DOCK10: variants seen among roughly 807,000 people sequenced by gnomAD.
The protein encoded by DOCK10 is dedicator of cytokinesis 10.
In DOCK10, 145 loss-of-function variants were observed where a neutral mutation model predicts 280.1. That is an observed-to-expected ratio of 0.52 (90% confidence interval 0.45 to 0.59). DOCK10 has a LOEUF of 0.59. Among genes scored for constraint, DOCK10 ranks in the 20% least tolerant of loss-of-function variants. The pLI, the probability that DOCK10 is intolerant of heterozygous loss-of-function variation, is 0.00. For synonymous variants in DOCK10, 915 were observed against 942.2 expected (o/e 0.97, Z 0.53); for missense variants, 2,368 against 2,651.7 (o/e 0.89, Z 2.35).
rs569863847 is a variant in DOCK10 at position 224,852,909 on chromosome 2, T to C, written c.2076+26A>G. 6 of 1,527,388 alleles carry C rather than the reference T, an allele frequency of 3.9e-6. No individual in the cohort carries two copies. The South Asian group carries it at 7.7e-5, about 20-fold the overall frequency. 94.6% of individuals were successfully genotyped at this position (1,527,388 alleles called of 1,614,324 possible). ...GTCTAAATACGGTGAAAAGAAAAGA[T>C]GATATCTCTGGAACTTATATCATAC... On this transcript the variant is annotated intron_variant, in intron 17 of 55. Coordinates refer to ENST00000258390, the MANE Select transcript of DOCK10 (RefSeq NM_014689.3).
At chr2:224,832,703 A>T (rs2125405868) in intron 26 of DOCK10, among the ~76,000 whole-genome samples, 1 of 152,250 alleles carries the variant, frequency 6.6e-6, no homozygotes, top group Non-Finnish European at 1.5e-5. Context: ...TCTTTCCCTA[A>T]TCTTGTCCAA....
chr2:224,840,246 A>G, intron 23 of DOCK10, 174 bp from the exon 24 acceptor site: 1 of 506,848 alleles, frequency 2.0e-6, no homozygotes, highest in Admixed American at 3.3e-5. Flanking sequence ...GCAAAGTGAA[A>G]ACAGACAAAT....
intron 3 of DOCK10, among the ~76,000 whole-genome samples, chr2:224,900,090 G>T (rs923178000): frequency 5.3e-5 from 8 of 152,088 alleles, no homozygotes; most frequent in African/African-American, 1.9e-4. Flanking sequence ...CAGATGCAAT[G>T]ACTTACTCAC....
intron 1 of DOCK10, among the ~76,000 whole-genome samples, chr2:224,967,202 C>T (rs893639284): frequency 6.6e-6 from 1 of 151,932 alleles, no homozygotes; most frequent in Non-Finnish European, 1.5e-5. Flanking sequence ...GCCTCAGCCT[C>T]CCGAGTAGTT....
Position 224,849,481 on chromosome 2 carries a change from G to A in DOCK10, c.2235+26C>T, listed in dbSNP as rs777362162. Reference sequence around the variant, plus strand: ...TTACCCACCTTTCTTAGGAACCGCTGGGGGCAGTGGAGGGCTAGCTCTTAC... The same window carrying A: ...TTACCCACCTTTCTTAGGAACCGCTAGGGGCAGTGGAGGGCTAGCTCTTAC... On this transcript the variant is annotated intron_variant, in intron 19 of 55. Transcript: ENST00000258390. 13 of 1,541,436 alleles carry A rather than the reference G, an allele frequency of 8.4e-6. 1 individual carries two copies. In the Admixed American group the frequency reaches 2.3e-4, roughly 27 times the overall value.
intron 2 of DOCK10, among the ~76,000 whole-genome samples, chr2:224,927,633 G>A (rs887095257): frequency 3.3e-5 from 5 of 152,096 alleles, no homozygotes; most frequent in African/African-American, 9.7e-5. Flanking sequence ...TCTGATTCTC[G>A]GTATTTCTTA....
At position 224,912,252 on chromosome 2, in the gene DOCK10, C is replaced by T. The variant is rs182084628; in HGVS notation, c.333+4443G>A. Among the ~76,000 whole-genome samples the T allele has an allele frequency of 1.2e-3, 185 of 152,010 alleles. 1 individual carries two copies. The Middle Eastern group carries it at 0.024, about 20-fold the overall frequency. ...CTAGGTTCAAGTGATTCTCCTGCCT[C>T]AGCATCCCAAATAGCTGGGATTACA... On this transcript the variant is annotated intron_variant, in intron 3 of 55. Coordinates refer to ENST00000258390, the MANE Select transcript of DOCK10 (RefSeq NM_014689.3).
At chr2:224,774,871 G>A (rs1375635850) in intron 52 of DOCK10, 34 bp downstream of exon 52, 7 of 1,552,968 alleles carry the variant, frequency 4.5e-6, no homozygotes, top group Non-Finnish European at 6.1e-6. Context: ...GCTGGAACAG[G>A]TGCCACATGT....
Position 224,864,684 on chromosome 2 carries a change from A to G in DOCK10, c.1480-9T>C, listed in dbSNP as rs1173394883. ...CTTACAGAAAATACAGCCTGTGTAC[A>G]AAGAAAGCAGCTAATAAGCATGGAA... On this transcript the variant is annotated splice_polypyrimidine_tract_variant and intron_variant, in intron 12 of 55. Transcript: ENST00000258390. The G allele has an allele frequency of 6.2e-7, 1 of 1,602,478 alleles. No homozygotes were observed. Among genetic ancestry groups the G allele is most frequent in the South Asian group, 1.1e-5 (1 of 88,284 alleles).
At chr2:224,864,495 G>C in intron 13 of DOCK10, 58 bp downstream of exon 13, 1 of 1,458,104 alleles carries the variant, frequency 6.9e-7, no homozygotes, top group Non-Finnish European at 9.1e-7. Context: ...GGGTGACAGG[G>C]AGAGACTCTA....
At chr2:224,897,693 C>A (rs1006902482) in intron 3 of DOCK10, among the ~76,000 whole-genome samples, 19 of 152,112 alleles carry the variant, frequency 1.2e-4, no homozygotes, top group African/African-American at 4.6e-4. Context: ...ATAATGATCT[C>A]CAGTTTATTC....
intron 2 of DOCK10, among the ~76,000 whole-genome samples, chr2:224,925,192 AAG>A: frequency 6.6e-6 from 1 of 152,006 alleles, no homozygotes; most frequent in East Asian, 1.9e-4. Flanking sequence ...GAAAAAAAAA[AAG>A]AAAGAAAACT....
chr2:225,014,209 GGA>G (rs1689530469), intron 1 of DOCK10, among the ~76,000 whole-genome samples: 1 of 150,678 alleles, frequency 6.6e-6, no homozygotes, highest in East Asian at 2.0e-4. Context: ...TTTGCCTCTG[GGA>G]ATTTTTGATG....
chr2:224,768,700 T>C (rs567294785), intron 55 of DOCK10, among the ~76,000 whole-genome samples: 2 of 152,146 alleles, frequency 1.3e-5, no homozygotes, highest in Admixed American at 1.3e-4. Flanking sequence ...ATCATGAGGC[T>C]TTTCCCCCCA....
intron 4 of DOCK10, among the ~76,000 whole-genome samples, chr2:224,891,105 G>A (rs1382859625): frequency 6.6e-6 from 1 of 152,156 alleles, no homozygotes; most frequent in African/African-American, 2.4e-5. Flanking sequence ...ATGGATGGGT[G>A]GATGGATGGA....
intron 27 of DOCK10, among the ~76,000 whole-genome samples, chr2:224,825,115 A>T (rs1461712326): frequency 6.6e-6 from 1 of 151,092 alleles, no homozygotes; most frequent in Non-Finnish European, 1.5e-5. Flanking sequence ...AGTAGCTGGG[A>T]TTACAGGCAC....
intron 4 of DOCK10, among the ~76,000 whole-genome samples, chr2:224,895,242 G>A (rs1428725001): frequency 6.6e-6 from 1 of 152,212 alleles, no homozygotes; most frequent in Non-Finnish European, 1.5e-5. Flanking sequence ...TACAAGTCTT[G>A]AAAAGGTGCT....
intron 1 of DOCK10, among the ~76,000 whole-genome samples, chr2:224,993,627 T>C (rs1706189734): frequency 6.6e-6 from 1 of 152,224 alleles, no homozygotes; most frequent in African/African-American, 2.4e-5. Context: ...TTCATGTTCA[T>C]CTTTTAGGCA....
intron 2 of DOCK10, among the ~76,000 whole-genome samples, chr2:224,922,917 A>C (rs756336302): frequency 6.6e-6 from 1 of 152,192 alleles, no homozygotes; most frequent in Non-Finnish European, 1.5e-5. Context: ...CTATTAACTA[A>C]AACTTTGTGA....
Sources: gnomAD v4.1 joint callset for allele counts (sites outside exome capture counted in the v4.1 genomes callset) on GRCh38, gnomAD v4.1.1 for gene constraint, MANE v1.5 for transcripts, NCBI Gene and HGNC (gene_info 2026-07-23, HGNC 2026-07-21) for gene names.